TGFBR1: variants seen among roughly 807,000 people sequenced by gnomAD.
The protein encoded by TGFBR1 is TGF-beta receptor type-1.
A neutral mutation model predicts 55.1 loss-of-function variants in TGFBR1; 20 were observed. The ratio of observed to expected loss-of-function variants is 0.36; its 90% confidence interval spans 0.26 to 0.53. TGFBR1 has a LOEUF of 0.53. Ranked by LOEUF, TGFBR1 falls within the 20% of genes least tolerant of loss-of-function variation. The pLI is 0.91. For missense variants in TGFBR1, 385 were observed against 617.6 expected (o/e 0.62, Z 3.99); for synonymous variants, 220 against 214.8 (o/e 1.02, Z -0.21).
chr9:99,141,750 T>C (rs1205658609), intron 4 of TGFBR1, among the ~76,000 whole-genome samples: 1 of 152,242 alleles, frequency 6.6e-6, no homozygotes, highest in African/African-American at 2.4e-5. Context: ...TAGATTGTCG[T>C]GGACCAGTCT....
intron 6 of TGFBR1, among the ~76,000 whole-genome samples, 154 bp from the exon 7 acceptor site, chr9:99,146,331 C>A (rs1356032768): frequency 6.6e-6 from 1 of 152,004 alleles, no homozygotes; most frequent in Non-Finnish European, 1.5e-5. Flanking sequence ...ATGTGCAAAC[C>A]AGTGTGGATA....
chr9:99,113,591 A>G (rs536529552), intron 1 of TGFBR1, among the ~76,000 whole-genome samples: 1 of 152,334 alleles, frequency 6.6e-6, no homozygotes, highest in East Asian at 1.9e-4. Flanking sequence ...TCACTTTTCA[A>G]AAGAGGATAG....
rs1396700667 is a variant in TGFBR1, at chr9:99,122,958, G to A, written c.98-5897G>A. 2.0e-5 allele frequency among the ~76,000 whole-genome samples: 3 copies of A among 152,038 alleles called. No homozygotes were observed. The East Asian group carries it at 5.8e-4, about 29-fold the overall frequency. The stretch of plus-strand genomic sequence containing the variant: ...GTACTTAACATGACCTTTGTTTCAT[G>A]CTCAAAATTATTTCAAATATTATAT... On this transcript the variant is annotated intron_variant, in intron 1 of 8. Transcript: ENST00000374994.
At chr9:99,137,819 A>G (rs1827481963) in intron 3 of TGFBR1, 40 bp from the exon 4 acceptor site, 1 of 1,526,950 alleles carries the variant, frequency 6.5e-7, no homozygotes, top group Middle Eastern at 1.7e-4. Flanking sequence ...AACATGTAAT[A>G]TTGTTGATTG....
chr9:99,122,323 CATATATTA>C (rs1304886357), intron 1 of TGFBR1, among the ~76,000 whole-genome samples: 1 of 152,036 alleles, frequency 6.6e-6, no homozygotes, highest in Non-Finnish European at 1.5e-5. Flanking sequence ...ATATCTGTTC[CATATATTA>C]ATACTATACA....
intron 1 of TGFBR1, among the ~76,000 whole-genome samples, chr9:99,119,548 T>A (rs1826841796): frequency 1.3e-5 from 2 of 152,366 alleles, no homozygotes; most frequent in African/African-American, 4.8e-5. Context: ...TATGTTGATG[T>A]AACTGTTAGG....
At chr9:99,105,088 C>A, upstream of TGFBR1, 1 of 827,640 alleles carries the variant, frequency 1.2e-6, no homozygotes, top group Non-Finnish European at 1.5e-6. Context: ...CGAGCAGTTA[C>A]AAAGGGCCGG....
At chr9:99,146,814 C>G (rs981136123) in intron 7 of TGFBR1, among the ~76,000 whole-genome samples, 1 of 152,200 alleles carries the variant, frequency 6.6e-6, no homozygotes, top group Admixed American at 6.5e-5. Flanking sequence ...CTAGTGTATT[C>G]TCTTCCTGTT....
In TGFBR1 at chr9:99,149,518, TC is replaced by T; in HGVS notation, c.*216del. The T allele has an allele frequency of 1.8e-6, 1 of 554,802 alleles. No homozygotes were observed. Among genetic ancestry groups the T allele is most frequent in the Non-Finnish European group, 3.2e-6 (1 of 314,396 alleles). 34.4% of individuals were successfully genotyped at this position (554,802 alleles called of 1,614,324 possible). A position where few individuals can be genotyped will look rare whatever the true frequency, so the allele number is the denominator to read the frequency against. On this transcript the variant is annotated 3_prime_UTR_variant, in exon 9 of 9. Transcript: ENST00000374994. ...TTTCTGTGCACTATGAACGCTTCTT[TC>T]CCAGGACAGAAAATGTGTAGTCTAC...
chr9:99,115,655 A>C (rs1031186397), intron 1 of TGFBR1, among the ~76,000 whole-genome samples: 1 of 152,272 alleles, frequency 6.6e-6, no homozygotes, highest in Non-Finnish European at 1.5e-5. Flanking sequence ...TCAAACTATA[A>C]TGTGCTCTAA....
chr9:99,134,805 TATATA>T (rs1827372875), intron 3 of TGFBR1, among the ~76,000 whole-genome samples: 433 of 31,772 alleles, frequency 0.014, 37 homozygotes, highest in East Asian at 0.054. Context: ...GTTTCCATTA[TATATA>T]TATATATATA....
rs571082107 is a variant in TGFBR1, at chr9:99,142,893, T to C, written c.973+190T>C. Among the ~76,000 whole-genome samples the C allele has an allele frequency of 1.9e-4, 29 of 152,196 alleles. No individual in the cohort carries two copies. The Middle Eastern group carries it at 0.01, about 54-fold the overall frequency. On this transcript the variant is annotated intron_variant, in intron 5 of 8. Coordinates refer to ENST00000374994, the MANE Select transcript of TGFBR1 (RefSeq NM_004612.4). ...GGGCAACATGACAAAACCGCATCTCTACCAACATACAAAAAATTAGTCGGG... is the reference window on the plus strand; with the variant it reads ...GGGCAACATGACAAAACCGCATCTCCACCAACATACAAAAAATTAGTCGGG...
chr9:99,122,377 A>G (rs1175683211), intron 1 of TGFBR1, among the ~76,000 whole-genome samples: 1 of 152,140 alleles, frequency 6.6e-6, no homozygotes, highest in Non-Finnish European at 1.5e-5. Flanking sequence ...AGCAAGACAT[A>G]TGGGCTTGTG....
At chr9:99,138,591 T>G (rs1564162747) in intron 4 of TGFBR1, among the ~76,000 whole-genome samples, 1 of 152,182 alleles carries the variant, frequency 6.6e-6, no homozygotes, top group Non-Finnish European at 1.5e-5. Context: ...CTCAAAGAGA[T>G]AAATTGTTTC....
At chr9:99,142,478 G>GT in intron 4 of TGFBR1, 58 bp from the exon 5 acceptor site, 1 of 1,594,626 alleles carries the variant, frequency 6.3e-7, no homozygotes, top group Non-Finnish European at 8.6e-7. Flanking sequence ...AATAACCATT[G>GT]AACAAATAAA....
chr9:99,111,176 T>G (rs992350691), intron 1 of TGFBR1, among the ~76,000 whole-genome samples: 1 of 152,138 alleles, frequency 6.6e-6, no homozygotes, highest in Non-Finnish European at 1.5e-5. Context: ...TATACATATA[T>G]TCATAGCAAA....
At position 99,149,320 on chromosome 9, in the gene TGFBR1, C is replaced by T; in HGVS notation, c.*15C>T. 6.2e-7 allele frequency: 1 copy of T among 1,613,352 alleles called. No individual in the cohort carries two copies. The highest frequency in any genetic ancestry group is 8.5e-7 in the Non-Finnish European group (1 of 1,179,534). ...TCAAAATGTAATTCTACAGCTTTGCCTGAACTCTCCTTTTTTCTTCAGATC... is the reference window on the plus strand; with the variant it reads ...TCAAAATGTAATTCTACAGCTTTGCTTGAACTCTCCTTTTTTCTTCAGATC... On this transcript the variant is annotated 3_prime_UTR_variant, in exon 9 of 9. Transcript: ENST00000374994.
At chr9:99,115,681 C>A (rs1033739899) in intron 1 of TGFBR1, among the ~76,000 whole-genome samples, 32 of 152,088 alleles carry the variant, frequency 2.1e-4, no homozygotes, top group African/African-American at 7.7e-4. Context: ...TCTCTTTGTT[C>A]AGCACGTGGT....
intron 5 of TGFBR1, 113 bp from the exon 6 acceptor site, chr9:99,144,619 G>T: frequency 1.7e-6 from 2 of 1,201,890 alleles, no homozygotes; most frequent in Non-Finnish European, 2.4e-6. Flanking sequence ...TAGGTCATGT[G>T]GGCTGAAATG....
Sources: gnomAD v4.1 joint callset for allele counts (sites outside exome capture counted in the v4.1 genomes callset) on GRCh38, gnomAD v4.1.1 for gene constraint, MANE v1.5 for transcripts, NCBI Gene and HGNC (gene_info 2026-07-23, HGNC 2026-07-21) for gene names.